VWA8: variants seen among roughly 807,000 people sequenced by gnomAD.
VWA8 encodes von Willebrand factor A domain containing 8.
In VWA8, 221 loss-of-function variants were observed where a neutral mutation model predicts 241.5. The ratio of observed to expected loss-of-function variants is 0.91; its 90% CI spans 0.82 to 1.02. The LOEUF is 1.02. Among genes scored for constraint, VWA8 ranks in the 50% least tolerant of loss-of-function variants. VWA8 has a pLI of 0.00. For missense variants in VWA8, 2,322 were observed against 2,328.7 expected (o/e 1.00, Z 0.06); for synonymous variants, 852 against 827.1 (o/e 1.03, Z -0.52).
chr13:41,766,030 G>A (rs889344003), intron 20 of VWA8, among the ~76,000 whole-genome samples: 4 of 152,168 alleles, frequency 2.6e-5, no homozygotes, highest in African/African-American at 9.7e-5. Context: ...TTTCACTACC[G>A]GGTTAGGAGA....
intron 37 of VWA8, among the ~76,000 whole-genome samples, chr13:41,646,444 T>A (rs1366188632): frequency 6.6e-6 from 1 of 152,222 alleles, no homozygotes; most frequent in East Asian, 1.9e-4. Context: ...TTCTCCATAT[T>A]AGGTATTATT....
At chr13:41,762,777 G>A (rs2045749940) in intron 20 of VWA8, among the ~76,000 whole-genome samples, 1 of 152,084 alleles carries the variant, frequency 6.6e-6, no homozygotes, top group African/African-American at 2.4e-5. Flanking sequence ...GAGCGCCACA[G>A]GGGGTAGAAA....
At chr13:41,937,065 A>G (rs76794363) in intron 2 of VWA8, among the ~76,000 whole-genome samples, 34,642 of 152,100 alleles carry the variant, frequency 0.23, 4,956 homozygotes, top group Non-Finnish European at 0.3. Context: ...ACAACTGTCT[A>G]CAGTATTCAG....
At chr13:41,950,371 T>TC (rs1042295655) in intron 1 of VWA8, among the ~76,000 whole-genome samples, 3 of 152,098 alleles carry the variant, frequency 2.0e-5, no homozygotes, top group Admixed American at 2.0e-4. Flanking sequence ...TAAAATCTTT[T>TC]TTTTTTTTTG....
chr13:41,691,929 T>G lies in VWA8; in HGVS notation c.3685A>C (p.Lys1229Gln). Residue 1229 changes from lysine (K) to glutamine (Q), a missense_variant, in exon 31 of 45, where the codon AAA becomes CAA. By Grantham distance (53) the Lys-to-Gln change is moderately conservative (BLOSUM62 1). Coordinates refer to ENST00000379310, the MANE Select transcript of VWA8 (RefSeq NM_015058.2). Reference protein sequence around the residue: ...WWNKEEAETYKMCKEFSHKNW... With the variant: ...WWNKEEAETYQMCKEFSHKNW... ...TTGTGTGAAAATTCTTTACACATTT[T>G]ATAAGTTTCCTAAAGACAAACAAAA... 1 of 1,608,128 alleles carries G rather than the reference T, an allele frequency of 6.2e-7. No homozygotes were observed. The highest frequency in any genetic ancestry group is 8.5e-7 in the Non-Finnish European group (1 of 1,175,250).
chr13:41,915,587 C>T (rs556749714), intron 2 of VWA8, among the ~76,000 whole-genome samples: 1 of 152,328 alleles, frequency 6.6e-6, no homozygotes, highest in East Asian at 1.9e-4. Context: ...GTTGCCTGCA[C>T]ACCACTAATG....
chr13:41,955,330 G>A (rs1878306894), intron 1 of VWA8, among the ~76,000 whole-genome samples: 1 of 152,160 alleles, frequency 6.6e-6, no homozygotes, highest in Non-Finnish European at 1.5e-5. Context: ...TGTCTAAAGT[G>A]CCTGAACCTT....
intron 12 of VWA8, among the ~76,000 whole-genome samples, chr13:41,859,961 T>C (rs11618465): frequency 0.14 from 21,479 of 152,228 alleles, 1,635 homozygotes; most frequent in East Asian, 0.18. Context: ...ATCAAACCTC[T>C]GGAACTTTTT....
At chr13:41,619,799 C>T (rs1229876078) in intron 37 of VWA8, among the ~76,000 whole-genome samples, 2 of 151,766 alleles carry the variant, frequency 1.3e-5, no homozygotes, top group African/African-American at 4.9e-5. Context: ...TTGAACCAGC[C>T]TTGCATCCCA....
chr13:41,891,680 T>G, intron 4 of VWA8, 93 bp from the exon 5 acceptor site: 2 of 1,339,278 alleles, frequency 1.5e-6, no homozygotes, highest in East Asian at 4.8e-5. Flanking sequence ...GTTGCAGTTC[T>G]TGTTATAGGG....
rs183143933 is a variant in VWA8, at chr13:41,689,553, C to T, written c.3977-45G>A. The T allele has an allele frequency of 7.0e-4, 1,013 of 1,447,358 alleles. 12 individuals are homozygous for T. In the East Asian group the frequency reaches 0.023, roughly 33 times the overall value. The allele number at this position is 1,447,358 out of a possible 1,614,324, so 89.7% of individuals were successfully genotyped here. ...GACACCATATGCTCCTGAAATGCTC[C>T]AGGAATTAATTTTTTGCAAGATTTT... On this transcript the variant is annotated intron_variant, in intron 33 of 44. Coordinates refer to ENST00000379310, the MANE Select transcript of VWA8 (RefSeq NM_015058.2).
intron 42 of VWA8, among the ~76,000 whole-genome samples, chr13:41,584,139 G>T (rs1194699160): frequency 1.3e-5 from 2 of 152,058 alleles, no homozygotes; most frequent in Non-Finnish European, 2.9e-5. Flanking sequence ...GGGCACATGG[G>T]TTTTACTTTT....
intron 20 of VWA8, among the ~76,000 whole-genome samples, chr13:41,767,777 C>T (rs1446290734): frequency 4.6e-5 from 7 of 152,192 alleles, no homozygotes; most frequent in Admixed American, 2.0e-4. Flanking sequence ...TACCTCCCTG[C>T]ATTTTCCCTT....
chr13:41,648,207 T>A (rs1478865153), intron 37 of VWA8, among the ~76,000 whole-genome samples: 2 of 152,134 alleles, frequency 1.3e-5, no homozygotes, highest in African/African-American at 4.8e-5. Context: ...CTGGTAATAA[T>A]GATGATAAAA....
At chr13:41,726,091 A>G (rs2045430348) in intron 24 of VWA8, among the ~76,000 whole-genome samples, 1 of 152,006 alleles carries the variant, frequency 6.6e-6, no homozygotes, top group African/African-American at 2.4e-5. Flanking sequence ...TACCCACTTT[A>G]CTTACTTATT....
chr13:41,898,221 G>C (rs527324951), intron 4 of VWA8, among the ~76,000 whole-genome samples: 7 of 139,464 alleles, frequency 5.0e-5, no homozygotes, highest in South Asian at 4.8e-4. Flanking sequence ...ACCAGAGCAG[G>C]TAGATACAGA....
intron 36 of VWA8, among the ~76,000 whole-genome samples, 159 bp downstream of exon 36, chr13:41,675,056 A>T (rs1475074261): frequency 6.6e-6 from 1 of 152,206 alleles, no homozygotes; most frequent in African/African-American, 2.4e-5. Flanking sequence ...CCAGGAAAAC[A>T]TTCAGAAGAA....
At chr13:41,690,335 G>T in intron 32 of VWA8, 60 bp from the exon 33 acceptor site, 1 of 1,376,070 alleles carries the variant, frequency 7.3e-7, no homozygotes, top group Non-Finnish European at 1.0e-6. Context: ...TAGTAATAAG[G>T]CCAGACTAAG....
chr13:41,573,508 CCTCT>C (rs1179617664), intron 43 of VWA8, among the ~76,000 whole-genome samples: 19 of 121,962 alleles, frequency 1.6e-4, no homozygotes, highest in East Asian at 7.1e-4. Context: ...TATATATATA[CCTCT>C]CTCTATATAT....
Sources: gnomAD v4.1 joint callset for allele counts (sites outside exome capture counted in the v4.1 genomes callset) on GRCh38, gnomAD v4.1.1 for gene constraint, MANE v1.5 for transcripts, NCBI Gene and HGNC (gene_info 2026-07-23, HGNC 2026-07-21) for gene names.